The following CFAP20DC variants were observed in gnomAD, a reference collection of about 807,000 sequenced individuals.
The protein encoded by CFAP20DC is protein CFAP20DC.
A neutral mutation model predicts 101.7 loss-of-function variants in CFAP20DC; 84 were observed. That is an observed-to-expected ratio of 0.83 (90% CI 0.69 to 0.99). The LOEUF (loss-of-function observed/expected upper bound fraction) is 0.99, where lower values mean the gene tolerates loss of function less well. CFAP20DC is among the 50% of genes least tolerant of loss of function. The probability of loss-of-function intolerance (pLI) is 0.00; values close to 1 mark genes in which losing one functional copy is unlikely to be tolerated. For synonymous variants in CFAP20DC, 359 were observed against 351.2 expected, an observed-to-expected ratio of 1.02 and a Z score of -0.25; for missense variants, 1,007 against 970.3, an observed-to-expected ratio of 1.04 and a Z score of -0.50.
At chr3:58,816,923 C>A (rs1559638907) in intron 14 of CFAP20DC, among the ~76,000 whole-genome samples, 1 of 152,164 alleles carries the variant, frequency 6.6e-6, no homozygotes, top group Non-Finnish European at 1.5e-5. Flanking sequence ...GTGGTTCTCC[C>A]AGCACGCAGC....
At chr3:58,930,209 T>A (rs552605066) in intron 5 of CFAP20DC, among the ~76,000 whole-genome samples, 1 of 152,228 alleles carries the variant, frequency 6.6e-6, no homozygotes, top group Admixed American at 6.5e-5. Flanking sequence ...TTTCTGATGT[T>A]GCTTCACATC....
rs889051219 is a variant in CFAP20DC at position 58,861,499 on chromosome 3, A to G, written c.1593+2059T>C. 129 of 933,752 alleles carry G rather than the reference A, an allele frequency of 1.4e-4. 1 individual carries two copies. Among genetic ancestry groups the G allele is most frequent in the Non-Finnish European group, 1.6e-4 (126 of 783,016 alleles). The allele number at this position is 933,752 out of a possible 1,614,324, so 57.8% of individuals were successfully genotyped here. ...ATTGATTTATACAATTAATAAATAG[A>G]AGAAGCTATCCTACAGGAAAAGAAA... On this transcript the variant is annotated intron_variant, in intron 12 of 16. Coordinates refer to ENST00000482387, the MANE Select transcript of CFAP20DC (RefSeq NM_001394063.1). This position sits in a 1 kb window ranked among gnomAD's most constrained non-coding sequence, Gnocchi z 4.0.
intron 14 of CFAP20DC, chr3:58,824,361 T>G (rs2075892702): frequency 6.6e-6 from 1 of 152,066 alleles, no homozygotes; most frequent in African/African-American, 2.4e-5. Flanking sequence ...AGCAAAGAAA[T>G]GGAACAGATC....
At chr3:58,798,989 A>C (rs2073463405) in intron 15 of CFAP20DC, among the ~76,000 whole-genome samples, 1 of 152,220 alleles carries the variant, frequency 6.6e-6, no homozygotes, top group South Asian at 2.1e-4. Context: ...GGAAGCTGAA[A>C]ATTCTTGTGA....
chr3:58,909,485 G>C (rs1056884884), intron 6 of CFAP20DC, among the ~76,000 whole-genome samples: 2 of 151,840 alleles, frequency 1.3e-5, no homozygotes, highest in African/African-American at 4.8e-5. Context: ...TCCTCCATTA[G>C]CACTACAACA....
chr3:58,803,270 C>A (rs897385024), intron 15 of CFAP20DC, among the ~76,000 whole-genome samples: 2 of 152,218 alleles, frequency 1.3e-5, no homozygotes, highest in African/African-American at 4.8e-5. Context: ...AGCCACACTT[C>A]ATTCAGGAAA....
chr3:58,878,811 A>C (rs541934153), intron 7 of CFAP20DC, among the ~76,000 whole-genome samples: 8 of 152,262 alleles, frequency 5.3e-5, no homozygotes, highest in Middle Eastern at 3.4e-3. Flanking sequence ...GGAGATCGAG[A>C]CCATCCTGTG....
chr3:58,994,524 G>A (rs1286625091), intron 4 of CFAP20DC, among the ~76,000 whole-genome samples: 2 of 152,120 alleles, frequency 1.3e-5, no homozygotes, highest in African/African-American at 4.8e-5. Context: ...TGGTGTCAGA[G>A]AATTCAGGTC....
chr3:58,725,869 G>A, intron 3 of CFAP20DC: 1 of 183,534 alleles, frequency 5.4e-6, no homozygotes, highest in Non-Finnish European at 1.1e-5. Context: ...TATTTTTTTG[G>A]GGCTGAGCTT....
chr3:59,039,491 G>A (rs771406967), intron 4 of CFAP20DC, 66 bp downstream of exon 4: 1 of 926,810 alleles, frequency 1.1e-6, no homozygotes. Flanking sequence ...ATGATTGTTG[G>A]TACTGCTTCA....
chr3:58,911,058 C>CT (rs1466922023), intron 6 of CFAP20DC, among the ~76,000 whole-genome samples: 2 of 151,952 alleles, frequency 1.3e-5, no homozygotes, highest in Non-Finnish European at 2.9e-5. Context: ...TGAATGGAAA[C>CT]TATAAAAAAG....
At chr3:59,026,276 A>G (rs2093891032) in intron 4 of CFAP20DC, among the ~76,000 whole-genome samples, 1 of 152,166 alleles carries the variant, frequency 6.6e-6, no homozygotes, top group South Asian at 2.1e-4. Context: ...TTAGTGTACA[A>G]TACTTCTAGT....
At chr3:58,932,454 T>C (rs1380193859) in intron 5 of CFAP20DC, among the ~76,000 whole-genome samples, 1 of 151,712 alleles carries the variant, frequency 6.6e-6, no homozygotes, top group African/African-American at 2.4e-5. Flanking sequence ...GAAGAGCAAC[T>C]CCAAGACACA....
At chr3:58,950,364 C>T (rs966076073) in intron 4 of CFAP20DC, among the ~76,000 whole-genome samples, 2 of 152,078 alleles carry the variant, frequency 1.3e-5, no homozygotes, top group Non-Finnish European at 2.9e-5. Flanking sequence ...CAATGCCAAC[C>T]CCATCAAGCT....
chr3:59,032,668 G>T (rs1311308397), intron 4 of CFAP20DC, among the ~76,000 whole-genome samples: 2 of 152,198 alleles, frequency 1.3e-5, no homozygotes, highest in African/African-American at 2.4e-5. Context: ...TCCAGGCAGG[G>T]CATCTCCAAA....
rs549663833 is a variant in CFAP20DC at position 59,034,869 on chromosome 3, A to G, written c.278+4688T>C. 1.5e-3 allele frequency among the ~76,000 whole-genome samples: 226 copies of G among 152,304 alleles called. 6 individuals are homozygous for G. In the South Asian group the frequency reaches 0.044, roughly 29 times the overall value. On this transcript the variant is annotated intron_variant, in intron 4 of 16. Coordinates refer to ENST00000482387, the MANE Select transcript of CFAP20DC (RefSeq NM_001394063.1). Reference sequence around the variant, plus strand: ...CTAATAGACATCTACAGAACTCGCCACCCCAAATCAACAGAATATACATTC... The same window carrying G: ...CTAATAGACATCTACAGAACTCGCCGCCCCAAATCAACAGAATATACATTC...
intron 15 of CFAP20DC, among the ~76,000 whole-genome samples, chr3:58,769,840 A>G (rs529803128): frequency 3.2e-4 from 48 of 152,312 alleles, no homozygotes; most frequent in South Asian, 2.1e-4. Context: ...ATATGGAGGT[A>G]TGCAATAAAC....
chr3:58,747,868 G>T (rs563197406), intron 16 of CFAP20DC, among the ~76,000 whole-genome samples: 21 of 152,268 alleles, frequency 1.4e-4, no homozygotes, highest in Middle Eastern at 6.8e-3. Flanking sequence ...CCTCAAATGG[G>T]AGAAAGATAA....
In CFAP20DC at chr3:58,859,436, A is replaced by G. The variant is rs184769682; in HGVS notation, c.1593+4122T>C. Among the ~76,000 whole-genome samples the G allele has an allele frequency of 2.8e-4, 42 of 152,378 alleles. No individual in the cohort carries two copies. The East Asian group carries it at 7.5e-3, about 27-fold the overall frequency. ...AGATTTCTTGTGAAAACTATCTACA[A>G]GCAAATGCTTATCTGCAAGATGTCT... On this transcript the variant is annotated intron_variant, in intron 12 of 16. Coordinates refer to ENST00000482387, the MANE Select transcript of CFAP20DC (RefSeq NM_001394063.1). The surrounding 1 kb of genome is among the most constrained non-coding windows in gnomAD (Gnocchi z 4.1).
Sources: gnomAD v4.1 joint callset for allele counts (sites outside exome capture counted in the v4.1 genomes callset) on GRCh38, gnomAD v4.1.1 for gene constraint, Gnocchi (gnomAD v3.1) non-coding constraint, MANE v1.5 for transcripts, NCBI Gene and HGNC (gene_info 2026-07-23, HGNC 2026-07-21) for gene names.